OMA1: variants seen among roughly 807,000 people sequenced by gnomAD.
OMA1 encodes metalloendopeptidase OMA1, mitochondrial.
A neutral mutation model predicts 30.9 loss-of-function variants in OMA1; 38 were observed. The ratio of observed to expected loss-of-function variants is 1.23; its 90% CI spans 0.95 to 1.61. The LOEUF (loss-of-function observed/expected upper bound fraction) is 1.61, where lower values mean the gene tolerates loss of function less well. Among genes scored for constraint, OMA1 ranks in the 40% most tolerant of loss-of-function variants. The pLI is 0.00. For synonymous variants in OMA1, 173 were observed against 121.9 expected (o/e 1.42, Z -2.76); for missense variants, 461 against 349.2 (o/e 1.32, Z -2.55).
At chr1:58,518,378 GAAAAGAAAAGAA>G (rs1429467757) in intron 7 of OMA1, among the ~76,000 whole-genome samples, 2 of 149,300 alleles carry the variant, frequency 1.3e-5, no homozygotes, top group East Asian at 2.0e-4. Context: ...GAGAAGGGAA[GAAAAGAAAAGAA>G]AAAAGAAAAG....
At chr1:58,517,949 G>A (rs931441791) in intron 7 of OMA1, among the ~76,000 whole-genome samples, 2 of 151,618 alleles carry the variant, frequency 1.3e-5, no homozygotes, top group African/African-American at 4.8e-5. Flanking sequence ...CACTTTAGGA[G>A]GCCAAAGTGG....
chr1:58,522,661 C>T (rs1321167618), intron 7 of OMA1, among the ~76,000 whole-genome samples: 1 of 152,094 alleles, frequency 6.6e-6, no homozygotes, highest in Non-Finnish European at 1.5e-5. Context: ...CATTTGACTC[C>T]CCCAAAACCT....
intron 8 of OMA1, among the ~76,000 whole-genome samples, chr1:58,490,940 G>C (rs982511653): frequency 4.0e-5 from 6 of 150,708 alleles, no homozygotes; most frequent in African/African-American, 1.5e-4. Context: ...CGAGTAGCTG[G>C]GACTACAGGC....
intron 8 of OMA1, among the ~76,000 whole-genome samples, chr1:58,491,456 A>G (rs1394256357): frequency 2.6e-5 from 4 of 152,198 alleles, no homozygotes; most frequent in Non-Finnish European, 5.9e-5. Flanking sequence ...TCCAATCAAA[A>G]GACACAGACT....
At chr1:58,535,285 A>G (rs983992550) in intron 3 of OMA1, among the ~76,000 whole-genome samples, 1 of 152,184 alleles carries the variant, frequency 6.6e-6, no homozygotes, top group Admixed American at 6.5e-5. Context: ...AACTTTCATA[A>G]AGTGTATGCT....
intron 8 of OMA1, among the ~76,000 whole-genome samples, chr1:58,499,035 T>C (rs115469084): frequency 1.3e-4 from 20 of 152,238 alleles, no homozygotes; most frequent in African/African-American, 4.6e-4. Context: ...CATTTTATAA[T>C]CAACCATTCC....
intron 8 of OMA1, among the ~76,000 whole-genome samples, chr1:58,495,464 C>T (rs952875269): frequency 1.4e-4 from 22 of 151,782 alleles, no homozygotes; most frequent in African/African-American, 5.1e-4. Context: ...GTTTCTCATG[C>T]CACTTAAATT....
intron 7 of OMA1, among the ~76,000 whole-genome samples, chr1:58,517,329 C>T (rs1646172945): frequency 6.6e-6 from 1 of 152,234 alleles, no homozygotes; most frequent in African/African-American, 2.4e-5. Context: ...CTCTTGAATT[C>T]TGTTGACATT....
chr1:58,518,216 G>GGGGAGAGGGGAGAGGGGAGACGGGAGAC (rs1646189457), intron 7 of OMA1, among the ~76,000 whole-genome samples: 1 of 3,906 alleles, frequency 2.6e-4, no homozygotes, highest in African/African-American at 1.5e-3. Flanking sequence ...AGAGGGGAGA[G>GGGGAGAGGGGAGAGGGGAGACGGGAGAC]GGGAGAGGGG....
At chr1:58,534,598 C>A (rs752307788) in intron 3 of OMA1, among the ~76,000 whole-genome samples, 1 of 152,100 alleles carries the variant, frequency 6.6e-6, no homozygotes. Context: ...AAACTACAAA[C>A]GAATACTTAA....
At chr1:58,534,647 G>A (rs1432733829) in intron 3 of OMA1, among the ~76,000 whole-genome samples, 1 of 152,172 alleles carries the variant, frequency 6.6e-6, no homozygotes, top group Non-Finnish European at 1.5e-5. Context: ...AGAAAACACT[G>A]CCTAGGCCAG....
At chr1:58,503,903 C>T (rs922580362) in intron 8 of OMA1, among the ~76,000 whole-genome samples, 2 of 152,178 alleles carry the variant, frequency 1.3e-5, no homozygotes, top group Non-Finnish European at 2.9e-5. Flanking sequence ...ACAAAAGGCA[C>T]GAAGTATGCC....
intron 1 of OMA1, among the ~76,000 whole-genome samples, chr1:58,542,790 A>G (rs1334479387): frequency 6.6e-6 from 1 of 152,210 alleles, no homozygotes; most frequent in Non-Finnish European, 1.5e-5. Flanking sequence ...TTTAGGGGAC[A>G]GGCTTAGACG....
chr1:58,536,669 A>T lies in OMA1; in HGVS notation c.573T>A (p.Asn191Lys), dbSNP rs1340441010. 2 of 872,790 alleles carry T rather than the reference A, an allele frequency of 2.3e-6. No homozygotes were observed. Among genetic ancestry groups the T allele is most frequent in the Non-Finnish European group, 4.0e-6 (2 of 501,604 alleles). 54.1% of individuals were successfully genotyped at this position (872,790 alleles called of 1,614,324 possible). Residue 191 changes from asparagine to lysine, a missense_variant, in exon 3 of 9, where the codon AAT (asparagine) becomes AAA (lysine). Transcript: ENST00000371226. ...KEVVKENIRKNKWKLFLGLSS... is the reference protein window; with the variant it reads ...KEVVKENIRKKKWKLFLGLSS... ...TCAAACCAAGGAATAGCTTCCATTT[A>T]TTCTTCCTTATATTTTCTTTAACTA...
chr1:58,491,313 C>T (rs1475530561), intron 8 of OMA1, among the ~76,000 whole-genome samples: 9 of 152,078 alleles, frequency 5.9e-5, no homozygotes, highest in Admixed American at 4.6e-4. Context: ...CAAAAACATG[C>T]CAAATTGTAA....
rs140726910 is a variant in OMA1 at position 58,497,038 on chromosome 1, C to A, written c.1365+9022G>T. Among the ~76,000 whole-genome samples, 793 of 152,308 alleles carry A rather than the reference C, an allele frequency of 5.2e-3. 9 individuals are homozygous for A. The highest frequency in any genetic ancestry group is 0.018 in the African/African-American group (742 of 41,564). The stretch of plus-strand genomic sequence containing the variant: ...TGTGGGGCAGCCAGGTATTAAGAGA[C>A]TTCCAATGCAAAGCACTATGAAGCT... On this transcript the variant is annotated intron_variant, in intron 8 of 8. Transcript: ENST00000371226.
Position 58,506,140 on chromosome 1 carries a change from G to A in OMA1, c.1285C>T (p.Gln429Ter), listed in dbSNP as rs769574762. ...GATAACCATTCTGGCATCTTGGGTT[G>A]GCCATGCAGGCTATCAACGAACTCC... ...QMEFVDSLHG[Q>*]PKMPEWLSTH... Residue 429 changes from glutamine (Q) to a stop codon, truncating the protein, a stop_gained, in exon 8 of 9, where the codon CAA becomes TAA. Coordinates refer to ENST00000371226, the MANE Select transcript of OMA1 (RefSeq NM_145243.5). LOFTEE classifies it high-confidence loss of function. The A allele has an allele frequency of 2.3e-6, 2 of 871,798 alleles. No individual in the cohort carries two copies. Among genetic ancestry groups the A allele is most frequent in the South Asian group, 2.6e-5 (2 of 76,458 alleles). The allele number at this position is 871,798 out of a possible 1,614,324, so 54.0% of individuals were successfully genotyped here.
rs1428381878 is a variant in OMA1 at position 58,490,909 on chromosome 1, C to A, written c.1366-9735G>T. ...CAAGCTCTGCCTCCTGGGTTCACACCATTCTCCTGCCTCAGCCTTCCGAGT... is the reference window on the plus strand; with the variant it reads ...CAAGCTCTGCCTCCTGGGTTCACACAATTCTCCTGCCTCAGCCTTCCGAGT... On this transcript the variant is annotated intron_variant, in intron 8 of 8. Coordinates refer to ENST00000371226, the MANE Select transcript of OMA1 (RefSeq NM_145243.5). Among the ~76,000 whole-genome samples the A allele has an allele frequency of 2.1e-5, 3 of 145,904 alleles. No individual in the cohort carries two copies. In the East Asian group the frequency reaches 6.2e-4, roughly 30 times the overall value.
chr1:58,536,878 C>T, intron 2 of OMA1, 137 bp from the exon 3 acceptor site: 3 of 567,264 alleles, frequency 5.3e-6, no homozygotes, highest in Non-Finnish European at 9.4e-6. Context: ...CATCGCTTTT[C>T]CAATTAATAA....
Sources: gnomAD v4.1 joint callset for allele counts (sites outside exome capture counted in the v4.1 genomes callset) on GRCh38, gnomAD v4.1.1 for gene constraint, MANE v1.5 for transcripts, NCBI Gene and HGNC (gene_info 2026-07-23, HGNC 2026-07-21) for gene names.